AGAP1: variants seen among roughly 807,000 people sequenced by gnomAD.
AGAP1 encodes ArfGAP with GTPase domain, ankyrin repeat and PH domain 1, also known as arf-GAP with GTPase, ANK repeat and PH domain-containing protein 1.
In AGAP1, 29 loss-of-function variants were observed where a neutral mutation model predicts 105.3. The ratio of observed to expected loss-of-function variants is 0.28; its 90% CI spans 0.21 to 0.38. The LOEUF (loss-of-function observed/expected upper bound fraction) is 0.38. AGAP1 is among the 10% of genes least tolerant of loss of function. The pLI, the probability that AGAP1 is intolerant of heterozygous loss-of-function variation, is 1.00. For missense variants in AGAP1, 998 were observed against 1,165.1 expected (o/e 0.86, Z 2.09); for synonymous variants, 509 against 485.9 (o/e 1.05, Z -0.63).
chr2:235,987,539 TCTCTA>T (rs141790821), intron 13 of AGAP1, among the ~76,000 whole-genome samples: 2,842 of 148,024 alleles, frequency 0.019, 95 homozygotes, highest in African/African-American at 0.067. Context: ...GGTTTTCCTG[TCTCTA>T]CTCTATCAAT....
At position 235,662,426 on chromosome 2, in the gene AGAP1, C is replaced by T. The variant is rs1247915366; in HGVS notation, c.164-46753C>T. Reference sequence around the variant, plus strand: ...GTGCGTCCATGGAGGGGAGGACTCACAGCAGTTTTGAAGTAATGTAGATTG... The same window carrying T: ...GTGCGTCCATGGAGGGGAGGACTCATAGCAGTTTTGAAGTAATGTAGATTG... On this transcript the variant is annotated intron_variant, in intron 1 of 17. Transcript: ENST00000304032. This position sits in a 1 kb window ranked among gnomAD's most constrained non-coding sequence, Gnocchi z 4.2. 1.3e-5 allele frequency among the ~76,000 whole-genome samples: 2 copies of T among 152,064 alleles called. No homozygotes were observed. The highest frequency in any genetic ancestry group is 2.4e-5 in the African/African-American group (1 of 41,404).
At chr2:236,071,730 G>A (rs913609917) in intron 16 of AGAP1, among the ~76,000 whole-genome samples, 1 of 152,196 alleles carries the variant, frequency 6.6e-6, no homozygotes, top group Non-Finnish European at 1.5e-5. Context: ...CAGAAATGAA[G>A]AAGGAAAAAA....
rs1943799521 is a variant in AGAP1, at chr2:235,551,262, G to C, written c.163+56413G>C. Among the ~76,000 whole-genome samples the C allele has an allele frequency of 6.6e-6, 1 of 152,122 alleles. No homozygotes were observed. Among genetic ancestry groups the C allele is most frequent in the East Asian group, 1.9e-4 (1 of 5,168 alleles). On this transcript the variant is annotated intron_variant, in intron 1 of 17. Coordinates refer to ENST00000304032, the MANE Select transcript of AGAP1 (RefSeq NM_001037131.3). The surrounding 1 kb of genome is among the most constrained non-coding windows in gnomAD (Gnocchi z 4.8). The stretch of plus-strand genomic sequence containing the variant: ...CTTGGATCAGGATTTCCAGGCCTCT[G>C]CATCTCTTGAGTTGATTCTGAAAGG...
chr2:235,768,332 C>T (rs1955145468), intron 6 of AGAP1, among the ~76,000 whole-genome samples: 1 of 152,176 alleles, frequency 6.6e-6, no homozygotes, highest in Non-Finnish European at 1.5e-5. Flanking sequence ...TAGATCCAAT[C>T]ACAAACTCAG....
At chr2:235,815,703 C>T (rs780430371) in intron 9 of AGAP1, among the ~76,000 whole-genome samples, 1 of 152,190 alleles carries the variant, frequency 6.6e-6, no homozygotes, top group East Asian at 1.9e-4. Context: ...CTTGAAGAGG[C>T]CGCATGCGTT....
Position 235,739,034 on chromosome 2 carries a change from A to G in AGAP1, c.311-1929A>G, listed in dbSNP as rs1280370078. ...TGTTAAATACGACTTTTATTAAAGC[A>G]GGTTAAAAGAACCTTGGCAGAAATT... is the stretch of plus-strand genomic sequence containing the variant. On this transcript the variant is annotated intron_variant, in intron 3 of 17. Transcript: ENST00000304032. This position sits in a 1 kb window ranked among gnomAD's most constrained non-coding sequence, Gnocchi z 5.3. 2.0e-5 allele frequency among the ~76,000 whole-genome samples: 3 copies of G among 152,226 alleles called. No homozygotes were observed. Among genetic ancestry groups the G allele is most frequent in the East Asian group, 1.9e-4 (1 of 5,202 alleles).
At position 235,843,001 on chromosome 2, in the gene AGAP1, A is replaced by T. The variant is rs111637719; in HGVS notation, c.1050+35670A>T. On this transcript the variant is annotated intron_variant, in intron 9 of 17. Transcript: ENST00000304032. The surrounding 1 kb of genome is among the most constrained non-coding windows in gnomAD (Gnocchi z 5.9). ...CTCGGCCTCCCAAAGTGCTGGAGTT[A>T]CAGGCGTTAGCTGCCGTGCCCGGCC... 1.2e-3 allele frequency among the ~76,000 whole-genome samples: 179 copies of T among 152,336 alleles called. No homozygotes were observed. Among genetic ancestry groups the T allele is most frequent in the African/African-American group, 4.1e-3 (172 of 41,570 alleles).
At position 235,572,656 on chromosome 2, in the gene AGAP1, T is replaced by G. The variant is rs1944567551; in HGVS notation, c.163+77807T>G. ...GCTAAAATCTCACCTCTCCAGAAAATAGTGGCCAACTTCCCCATCACCTTG... is the reference window on the plus strand; with the variant it reads ...GCTAAAATCTCACCTCTCCAGAAAAGAGTGGCCAACTTCCCCATCACCTTG... On this transcript the variant is annotated intron_variant, in intron 1 of 17. Coordinates refer to ENST00000304032, the MANE Select transcript of AGAP1 (RefSeq NM_001037131.3). 1.3e-5 allele frequency among the ~76,000 whole-genome samples: 2 copies of G among 152,112 alleles called. 1 individual carries two copies. The highest frequency in any genetic ancestry group is 4.1e-4 in the South Asian group (2 of 4,826).
At position 235,900,542 on chromosome 2, in the gene AGAP1, C is replaced by T. The variant is rs2051018904; in HGVS notation, c.1156-8196C>T. ...CATTTCTGCCCCTTGATTCCTGGAC[C>T]TGTGAATCCTGGCAATGGGAAAAAC... On this transcript the variant is annotated intron_variant, in intron 10 of 17. Coordinates refer to ENST00000304032, the MANE Select transcript of AGAP1 (RefSeq NM_001037131.3). This position sits in a 1 kb window ranked among gnomAD's most constrained non-coding sequence, Gnocchi z 5.5. Among the ~76,000 whole-genome samples, 1 of 151,934 alleles carries T rather than the reference C, an allele frequency of 6.6e-6. No homozygotes were observed. The highest frequency in any genetic ancestry group is 1.5e-5 in the Non-Finnish European group (1 of 67,982).
intron 1 of AGAP1, among the ~76,000 whole-genome samples, chr2:235,505,230 CAAAAG>C (rs1941744559): frequency 1.3e-5 from 2 of 152,112 alleles, no homozygotes; most frequent in Non-Finnish European, 2.9e-5. Flanking sequence ...GCTGAAGACA[CAAAAG>C]AAGAAAAAAA....
At chr2:235,764,006 C>CGTGGCTGTGACCCGTGT (rs1954694475) in intron 6 of AGAP1, among the ~76,000 whole-genome samples, 2 of 152,008 alleles carry the variant, frequency 1.3e-5, no homozygotes, top group African/African-American at 4.8e-5. Flanking sequence ...GTGATCCGTG[C>CGTGGCTGTGACCCGTGT]GTGGCTGTGA....
intron 10 of AGAP1, among the ~76,000 whole-genome samples, chr2:235,907,417 G>T (rs1310060382): frequency 2.0e-5 from 3 of 152,172 alleles, no homozygotes; most frequent in African/African-American, 7.2e-5. Flanking sequence ...ACCAGCCTGG[G>T]CAACCTAGCA....
intron 1 of AGAP1, among the ~76,000 whole-genome samples, chr2:235,509,697 A>AC (rs1574718441): frequency 6.6e-6 from 1 of 152,024 alleles, no homozygotes; most frequent in South Asian, 2.1e-4. Flanking sequence ...GTCTGCTTGC[A>AC]CCCATCTGCT....
intron 1 of AGAP1, among the ~76,000 whole-genome samples, chr2:235,543,139 TG>T (rs1467753207): frequency 8.5e-6 from 1 of 117,014 alleles, no homozygotes; most frequent in African/African-American, 3.2e-5. Context: ...TGTTGGGTGT[TG>T]GGTGTTGGGT....
chr2:235,667,085 A>C (rs1282177065), intron 1 of AGAP1, among the ~76,000 whole-genome samples: 1 of 152,138 alleles, frequency 6.6e-6, no homozygotes, highest in East Asian at 1.9e-4. Context: ...GCCATATTTT[A>C]GTGGTGTTCA....
At chr2:235,598,252 G>A (rs1006701181) in intron 1 of AGAP1, among the ~76,000 whole-genome samples, 2 of 152,180 alleles carry the variant, frequency 1.3e-5, no homozygotes, top group Non-Finnish European at 2.9e-5. Flanking sequence ...CAGCGCCCTG[G>A]TTCCTGCCTG....
intron 17 of AGAP1, among the ~76,000 whole-genome samples, chr2:236,122,985 A>G (rs904323583): frequency 1.3e-5 from 2 of 152,148 alleles, no homozygotes; most frequent in Admixed American, 6.5e-5. Context: ...GTCCGGCTCC[A>G]GTGACAATTT....
At chr2:235,916,876 G>T (rs907550799) in intron 11 of AGAP1, among the ~76,000 whole-genome samples, 11 of 152,158 alleles carry the variant, frequency 7.2e-5, no homozygotes. Context: ...ACAAACCCAT[G>T]CTCCCCAACA....
chr2:236,059,286 C>G (rs1463160707), intron 16 of AGAP1, among the ~76,000 whole-genome samples: 1 of 152,064 alleles, frequency 6.6e-6, no homozygotes, highest in Non-Finnish European at 1.5e-5. Flanking sequence ...AATAAATTAC[C>G]TGTACACTGA....
Sources: allele counts gnomAD v4.1 joint callset (sites outside exome capture counted in the v4.1 genomes callset), GRCh38; gene constraint gnomAD v4.1.1; non-coding constraint Gnocchi (gnomAD v3.1); transcripts MANE v1.5; gene names NCBI Gene and HGNC (gene_info 2026-07-23, HGNC 2026-07-21).